C5: variants seen among roughly 807,000 people sequenced by gnomAD.
The protein encoded by C5 is C3 and PZP-like alpha-2-macroglobulin domain-containing protein 4.
A neutral mutation model predicts 218.8 loss-of-function variants in C5; 140 were observed. The observed-to-expected ratio is 0.64, with a 90% CI of 0.56 to 0.74. C5 has a LOEUF of 0.74. Ranked by LOEUF, C5 falls within the 30% of genes least tolerant of loss-of-function variation. The pLI is 0.00. For missense variants in C5, 1,700 were observed against 1,969.6 expected (o/e 0.86, Z 2.59); for synonymous variants, 614 against 682.3 (o/e 0.90, Z 1.56).
At chr9:121,058,246 C>T in the C5 span, among the ~76,000 whole-genome samples, 3 of 152,238 alleles carry the variant, frequency 2.0e-5, no homozygotes, top group East Asian at 3.9e-4. Flanking sequence ...GGTGTTATTA[C>T]CCTCTGGTTA....
intron 25 of C5, 109 bp downstream of exon 25, chr9:120,988,937 G>C: frequency 1.2e-6 from 1 of 814,906 alleles, no homozygotes; most frequent in African/African-American, 1.7e-5. Flanking sequence ...AGTGAAGGAT[G>C]ACGAGGCTTT....
intron 2 of C5, among the ~76,000 whole-genome samples, chr9:121,044,480 A>T (rs542646259): frequency 2.2e-4 from 33 of 152,242 alleles, no homozygotes; most frequent in Middle Eastern, 3.4e-3. Flanking sequence ...TGTCTCAACA[A>T]CAACAACAAC....
At chr9:120,993,024 G>T (rs1395766149) in intron 22 of C5, among the ~76,000 whole-genome samples, 1 of 152,200 alleles carries the variant, frequency 6.6e-6, no homozygotes, top group Non-Finnish European at 1.5e-5. Flanking sequence ...GCAATTGACA[G>T]ATGGGAAACC....
intron 22 of C5, 57 bp downstream of exon 22, chr9:120,996,183 A>T (rs963617917): frequency 1.6e-6 from 2 of 1,272,700 alleles, no homozygotes; most frequent in Non-Finnish European, 2.3e-6. Context: ...AGTTACATAC[A>T]CACTTTAACT....
At chr9:120,989,806 C>T (rs751205782) in intron 23 of C5, 26 bp from the exon 24 acceptor site, 7 of 1,565,564 alleles carry the variant, frequency 4.5e-6, no homozygotes, top group Non-Finnish European at 2.6e-6. Flanking sequence ...TCAAAGTAGA[C>T]ACATTGCTTT....
intron 31 of C5, 26 bp from the exon 32 acceptor site, chr9:120,970,277 A>G (rs773211767): frequency 6.7e-7 from 1 of 1,499,548 alleles, no homozygotes; most frequent in Admixed American, 1.7e-5. Context: ...GTAAGCAAGA[A>G]GATTCTATTT....
rs973893705 is a variant in C5 at position 120,997,527 on chromosome 9, T to C, written c.2790+20A>G. 4 of 1,524,976 alleles carry C rather than the reference T, an allele frequency of 2.6e-6. No homozygotes were observed. The highest frequency in any genetic ancestry group is 3.6e-6 in the Non-Finnish European group (4 of 1,099,598). The allele number at this position is 1,524,976 out of a possible 1,614,324, so 94.5% of individuals were successfully genotyped here. A position where few individuals can be genotyped will look rare whatever the true frequency, so the allele number is the denominator to read the frequency against. ...TTTGCAATAATTTAAGCATAAGTTA[T>C]TGAAGCATGTTTTTCTTACCACCAC... On this transcript the variant is annotated intron_variant, in intron 21 of 40. Coordinates refer to ENST00000223642, the MANE Select transcript of C5 (RefSeq NM_001735.3).
chr9:120,960,165 T>C (rs1036769453), intron 38 of C5, 83 bp downstream of exon 38: 13 of 851,182 alleles, frequency 1.5e-5, no homozygotes, highest in Non-Finnish European at 2.2e-5. Flanking sequence ...ATAATCACTA[T>C]ATAAAGTTTT....
intron 6 of C5, 95 bp downstream of exon 6, chr9:121,032,018 G>A (rs1457541300): frequency 3.7e-5 from 26 of 697,768 alleles, no homozygotes; most frequent in Middle Eastern, 4.1e-4. Context: ...AGCTGAGATC[G>A]TGCCACTGCA....
the C5 span, among the ~76,000 whole-genome samples, chr9:121,072,812 TAAA>T: frequency 4.1e-5 from 4 of 98,608 alleles, no homozygotes; most frequent in Admixed American, 1.1e-4. Flanking sequence ...TTCAAAAAAT[TAAA>T]AAAAAAAAAA....
chr9:121,024,120 T>C, intron 9 of C5, among the ~76,000 whole-genome samples: 1 of 143,068 alleles, frequency 7.0e-6, no homozygotes, highest in Non-Finnish European at 1.5e-5. Flanking sequence ...CTCGGGAGGC[T>C]GAGGCAGGAG....
chr9:120,969,175 T>G, intron 32 of C5, 57 bp from the exon 33 acceptor site: 1 of 1,385,584 alleles, frequency 7.2e-7, no homozygotes, highest in Non-Finnish European at 1.0e-6. Context: ...TGTTTTCAGC[T>G]GCTTTGGAAC....
Position 120,989,104 on chromosome 9 carries a change from A to G in C5, c.3172T>C (p.Ser1058Pro). The G allele has an allele frequency of 1.9e-6, 3 of 1,613,502 alleles. No individual in the cohort carries two copies. Among genetic ancestry groups the G allele is most frequent in the Non-Finnish European group, 2.5e-6 (3 of 1,179,388 alleles). ...TAAGAGTAGTCAGCATTTCTGTAGG[A>G]CATAATGCTCAACATCCCTAAGAAG... ...KLKEGMLSIM[S>P]YRNADYSYSV... Residue 1058 changes from serine (S) to proline (P), a missense_variant, in exon 25 of 41, where the codon TCC becomes CCC. Physicochemically the swap from Ser to Pro is moderately conservative, Grantham distance 74. Coordinates refer to ENST00000223642, the MANE Select transcript of C5 (RefSeq NM_001735.3).
rs149238885 is a variant in C5 at position 121,014,104 on chromosome 9, C to T, written c.2060-34G>A. The T allele has an allele frequency of 4.7e-4, 739 of 1,574,862 alleles. 8 individuals carry two copies. The African/African-American group carries it at 8.2e-3, about 17-fold the overall frequency. On this transcript the variant is annotated intron_variant, in intron 16 of 40. Transcript: ENST00000223642. ...GTAATAATGCAAGTGCTCTTGATGA[C>T]GCAGAGTGATAACATCTCAGGCTTA...
In C5 at chr9:121,041,957, C is replaced by T. The variant is rs150932996; in HGVS notation, c.421+1047G>A. ...ATCATAACAAATGCTCCTGCTGAAACGGTAATGGTTCAGTCCAGTTCCACC... is the reference window on the plus strand; with the variant it reads ...ATCATAACAAATGCTCCTGCTGAAATGGTAATGGTTCAGTCCAGTTCCACC... On this transcript the variant is annotated intron_variant, in intron 3 of 40. Coordinates refer to ENST00000223642, the MANE Select transcript of C5 (RefSeq NM_001735.3). Among the ~76,000 whole-genome samples, 50 of 152,258 alleles carry T rather than the reference C, an allele frequency of 3.3e-4. 1 individual carries two copies. In the East Asian group the frequency reaches 9.1e-3, roughly 28 times the overall value.
intron 21 of C5, 112 bp downstream of exon 21, chr9:120,997,435 C>T: frequency 1.2e-6 from 1 of 848,862 alleles, no homozygotes; most frequent in South Asian, 1.5e-5. Flanking sequence ...CATCCAGTTT[C>T]CTTAATGCTT....
At chr9:121,008,954 A>AAACAAACAAACT (rs1564149473) in intron 17 of C5, among the ~76,000 whole-genome samples, 1 of 151,852 alleles carries the variant, frequency 6.6e-6, no homozygotes, top group Non-Finnish European at 1.5e-5. Context: ...ACAAACAAAC[A>AAACAAACAAACT]AACTATAAAG....
At chr9:121,017,215 G>A (rs1262059104) in intron 14 of C5, 147 bp downstream of exon 14, 36 of 859,836 alleles carry the variant, frequency 4.2e-5, no homozygotes, top group Non-Finnish European at 5.6e-5. Context: ...TTTGGGAGCT[G>A]ACAGGAGGAT....
At chr9:121,069,742 A>G in the C5 span, among the ~76,000 whole-genome samples, 1 of 152,036 alleles carries the variant, frequency 6.6e-6, no homozygotes, top group Non-Finnish European at 1.5e-5. Flanking sequence ...TTGAACTCCT[A>G]AGCTGAAGAG....
Sources: gnomAD v4.1 joint callset for allele counts (sites outside exome capture counted in the v4.1 genomes callset) on GRCh38, gnomAD v4.1.1 for gene constraint, MANE v1.5 for transcripts, NCBI Gene and HGNC (gene_info 2026-07-23, HGNC 2026-07-21) for gene names.